TNPO1: variants seen among roughly 807,000 people sequenced by gnomAD.
The protein encoded by TNPO1 is transportin-1.
TNPO1 carries 8 observed loss-of-function variants against 119.5 expected under a neutral mutation model. That is an observed-to-expected ratio of 0.07 (90% CI 0.04 to 0.12). The LOEUF (loss-of-function observed/expected upper bound fraction) is 0.12. Ranked by LOEUF, TNPO1 falls within the 10% of genes least tolerant of loss-of-function variation. TNPO1 has a pLI of 1.00. For synonymous variants in TNPO1, 362 were observed against 363.0 expected (o/e 1.00, Z 0.03); for missense variants, 576 against 1,089.8 (o/e 0.53, Z 6.64).
At chr5:72,900,855 C>T (rs188904443) in intron 21 of TNPO1, 119 bp from the exon 22 acceptor site, 1 of 555,230 alleles carries the variant, frequency 1.8e-6, no homozygotes. Flanking sequence ...TTCCGAAAAA[C>T]TCTTTTAATA....
chr5:72,851,915 T>C (rs1207047826), intron 3 of TNPO1, among the ~76,000 whole-genome samples: 1 of 152,206 alleles, frequency 6.6e-6, no homozygotes, highest in African/African-American at 2.4e-5. Context: ...ATAACAAAGG[T>C]TGTAATACAA....
intron 13 of TNPO1, among the ~76,000 whole-genome samples, chr5:72,889,441 G>A (rs1748891736): frequency 6.6e-6 from 1 of 151,886 alleles, no homozygotes; most frequent in Admixed American, 6.6e-5. Flanking sequence ...TATAGATTAT[G>A]TTTGAGATCC....
intron 3 of TNPO1, among the ~76,000 whole-genome samples, chr5:72,854,468 G>A (rs997347194): frequency 1.3e-5 from 2 of 151,998 alleles, no homozygotes; most frequent in African/African-American, 4.8e-5. Context: ...TTAATAAGAC[G>A]GGTAAAACAA....
intron 22 of TNPO1, 31 bp downstream of exon 22, chr5:72,901,104 G>A (rs777178426): frequency 7.0e-7 from 1 of 1,423,290 alleles, no homozygotes; most frequent in Non-Finnish European, 9.7e-7. Context: ...TGTTTTTAAT[G>A]TCTAATTAAT....
intron 6 of TNPO1, chr5:72,871,865 C>G (rs933532145): frequency 6.6e-6 from 1 of 152,054 alleles, no homozygotes; most frequent in Admixed American, 6.6e-5. Flanking sequence ...TCCCATGGAG[C>G]CAAATTTAGC....
intron 21 of TNPO1, 46 bp downstream of exon 21, chr5:72,900,127 T>A: frequency 6.7e-7 from 1 of 1,486,892 alleles, no homozygotes; most frequent in Non-Finnish European, 9.3e-7. Context: ...TTCTTCACTC[T>A]TTCTTTCTCT....
chr5:72,821,858 C>T (rs1743972776), intron 1 of TNPO1, among the ~76,000 whole-genome samples: 1 of 152,116 alleles, frequency 6.6e-6, no homozygotes, highest in South Asian at 2.1e-4. Flanking sequence ...GTTCTTGGAA[C>T]TCTTAAGCGG....
At chr5:72,824,092 T>C (rs1223795277) in intron 1 of TNPO1, among the ~76,000 whole-genome samples, 1 of 152,212 alleles carries the variant, frequency 6.6e-6, no homozygotes, top group East Asian at 1.9e-4. Context: ...AGTACATGGC[T>C]GTCTTCCTGC....
At chr5:72,878,494 T>G (rs1260533251) in intron 9 of TNPO1, 1 of 145,390 alleles carries the variant, frequency 6.9e-6, no homozygotes, top group East Asian at 2.0e-4. Context: ...TAGTAAAGGG[T>G]TTTTTTTTTT....
intron 1 of TNPO1, among the ~76,000 whole-genome samples, chr5:72,834,260 A>G (rs990728693): frequency 6.6e-6 from 1 of 152,198 alleles, no homozygotes; most frequent in African/African-American, 2.4e-5. Flanking sequence ...TGTATTTACT[A>G]TATTATTGTT....
intron 19 of TNPO1, among the ~76,000 whole-genome samples, 190 bp downstream of exon 19, chr5:72,896,746 A>G (rs945891934): frequency 1.3e-5 from 2 of 152,110 alleles, no homozygotes; most frequent in African/African-American, 4.8e-5. Context: ...GCGGGTGCCT[A>G]TAATCCCAAC....
intron 1 of TNPO1, among the ~76,000 whole-genome samples, chr5:72,818,649 G>A (rs1442539496): frequency 6.6e-6 from 1 of 152,086 alleles, no homozygotes; most frequent in Non-Finnish European, 1.5e-5. Flanking sequence ...AGTAAGTGGG[G>A]GAGTTCTTTT....
intron 8 of TNPO1, among the ~76,000 whole-genome samples, chr5:72,876,192 A>T (rs1048231551): frequency 2.6e-5 from 4 of 152,196 alleles, no homozygotes; most frequent in Non-Finnish European, 5.9e-5. Flanking sequence ...ACAGCTGGGG[A>T]GCCTAATTTA....
In TNPO1 at chr5:72,911,848, T is replaced by C. The variant is rs1314498567; in HGVS notation, c.*3175T>C. ...GTTTACTGTTTTATATATGCCTTCT[T>C]TTTCCTGTTTGAGCTTCTCTCTTTG... is the stretch of plus-strand genomic sequence containing the variant. On this transcript the variant is annotated 3_prime_UTR_variant, in exon 25 of 25. Transcript: ENST00000337273. 1 of 152,516 alleles carries C rather than the reference T, an allele frequency of 6.6e-6. No individual in the cohort carries two copies. The highest frequency in any genetic ancestry group is 2.4e-5 in the African/African-American group (1 of 41,424). 9.4% of individuals were successfully genotyped at this position (152,516 alleles called of 1,614,324 possible). A position where few individuals can be genotyped will look rare whatever the true frequency, so the allele number is the denominator to read the frequency against.
chr5:72,894,142 C>A (rs566963750), intron 18 of TNPO1, among the ~76,000 whole-genome samples: 5 of 152,336 alleles, frequency 3.3e-5, no homozygotes, highest in African/African-American at 1.2e-4. Flanking sequence ...TTAACTGAGA[C>A]TGGGCCTGGG....
intron 4 of TNPO1, 21 bp downstream of exon 4, chr5:72,855,944 T>G: frequency 6.2e-7 from 1 of 1,610,340 alleles, no homozygotes; most frequent in South Asian, 1.1e-5. Context: ...TTACAACAGT[T>G]TTGCTTACTT....
At position 72,912,542 on chromosome 5, in the gene TNPO1, T is replaced by G. The variant is rs774748697; in HGVS notation, c.*3869T>G. ...ACATTCTTTGTTTTTTAAGTGTATT[T>G]CATTGAGAATCTTTCCATTTAGTCT... On this transcript the variant is annotated 3_prime_UTR_variant, in exon 25 of 25. Transcript: ENST00000337273. 20 of 152,510 alleles carry G rather than the reference T, an allele frequency of 1.3e-4. No individual in the cohort carries two copies. The highest frequency in any genetic ancestry group is 3.1e-4 in the African/African-American group (13 of 41,454). 9.4% of individuals were successfully genotyped at this position (152,510 alleles called of 1,614,324 possible).
chr5:72,844,219 A>C (rs571234514), intron 1 of TNPO1, among the ~76,000 whole-genome samples: 2 of 152,362 alleles, frequency 1.3e-5, no homozygotes, highest in African/African-American at 4.8e-5. Flanking sequence ...TAAACCATAG[A>C]TCTGTAATGA....
intron 7 of TNPO1, among the ~76,000 whole-genome samples, chr5:72,873,702 A>T (rs1395898732): frequency 6.6e-6 from 1 of 152,068 alleles, no homozygotes; most frequent in Admixed American, 6.6e-5. Flanking sequence ...TCTGGAGTAG[A>T]CTATTGGTGT....
Sources: allele counts gnomAD v4.1 joint callset (sites outside exome capture counted in the v4.1 genomes callset), GRCh38; gene constraint gnomAD v4.1.1; transcripts MANE v1.5; gene names NCBI Gene and HGNC (gene_info 2026-07-23, HGNC 2026-07-21).